The following TRAPPC9 variants were observed in gnomAD, a reference collection of about 807,000 sequenced individuals.
The protein encoded by TRAPPC9 is IKK2 binding protein.
Under a neutral mutation model 124.0 loss-of-function variants are expected in TRAPPC9, and 83 were observed. That is an observed-to-expected ratio of 0.67 (90% CI 0.56 to 0.80). The LOEUF is 0.80. Ranked by LOEUF, TRAPPC9 falls within the 30% of genes least tolerant of loss-of-function variation. TRAPPC9 has a pLI of 0.00. For synonymous variants in TRAPPC9, 638 were observed against 617.5 expected, an observed-to-expected ratio of 1.03 and a Z score of -0.49; for missense variants, 1,302 against 1,508.3, an observed-to-expected ratio of 0.86 and a Z score of 2.27.
At chr8:139,809,114 C>A (rs534568150) in intron 21 of TRAPPC9, among the ~76,000 whole-genome samples, 1 of 152,324 alleles carries the variant, frequency 6.6e-6, no homozygotes, top group Non-Finnish European at 1.5e-5. Context: ...TTTGATAACC[C>A]TTCTAAGGAC....
At chr8:140,062,859 C>T (rs1421208354) in intron 17 of TRAPPC9, among the ~76,000 whole-genome samples, 1 of 152,204 alleles carries the variant, frequency 6.6e-6, no homozygotes, top group Non-Finnish European at 1.5e-5. Flanking sequence ...GACTATCACA[C>T]ACTACTTCTC....
chr8:139,740,072 A>C (rs1327720449), intron 21 of TRAPPC9, among the ~76,000 whole-genome samples: 1 of 152,076 alleles, frequency 6.6e-6, no homozygotes, highest in Non-Finnish European at 1.5e-5. Flanking sequence ...CTGAATGAGG[A>C]CTCTAGGCCG....
intron 21 of TRAPPC9, among the ~76,000 whole-genome samples, chr8:139,750,853 T>A (rs955053770): frequency 6.6e-6 from 1 of 152,220 alleles, no homozygotes; most frequent in African/African-American, 2.4e-5. Context: ...ATTTGTTTCC[T>A]GGAGCAGCAG....
At chr8:140,286,933 G>C (rs996733619) in intron 13 of TRAPPC9, among the ~76,000 whole-genome samples, 4 of 152,092 alleles carry the variant, frequency 2.6e-5, no homozygotes, top group African/African-American at 7.2e-5. Flanking sequence ...AAGAAGTGGG[G>C]TGTGAGGAAG....
intron 15 of TRAPPC9, among the ~76,000 whole-genome samples, chr8:140,255,380 G>C (rs1409833824): frequency 3.9e-5 from 6 of 152,222 alleles, no homozygotes; most frequent in Non-Finnish European, 1.5e-5. Context: ...ATACATGTTT[G>C]ATAAATATTA....
chr8:139,771,654 C>A (rs1820970246), intron 21 of TRAPPC9, among the ~76,000 whole-genome samples: 1 of 152,220 alleles, frequency 6.6e-6, no homozygotes, highest in African/African-American at 2.4e-5. Flanking sequence ...TGGCAGCAGA[C>A]CCCACACGAG....
In TRAPPC9 at chr8:140,104,649, A is replaced by G. The variant is rs1483127136; in HGVS notation, c.2557-80570T>C. Among the ~76,000 whole-genome samples, 1 of 152,152 alleles carries G rather than the reference A, an allele frequency of 6.6e-6. No homozygotes were observed. The highest frequency in any genetic ancestry group is 1.5e-5 in the Non-Finnish European group (1 of 68,032). On this transcript the variant is annotated intron_variant, in intron 17 of 22. Coordinates refer to ENST00000438773, the MANE Select transcript of TRAPPC9 (RefSeq NM_001160372.4). The surrounding 1 kb of genome is among the most constrained non-coding windows in gnomAD (Gnocchi z 4.0). ...ACGCAGGCGGCAGGAATGCTGCGTC[A>G]CACACAGGTGCTGTAAAAAGCTACG... is the stretch of plus-strand genomic sequence containing the variant.
chr8:139,910,675 C>T (rs1183772354), intron 19 of TRAPPC9, among the ~76,000 whole-genome samples: 1 of 152,162 alleles, frequency 6.6e-6, no homozygotes, highest in African/African-American at 2.4e-5. Flanking sequence ...ATTATTTAAC[C>T]CTGGGGATCC....
chr8:140,343,157 C>T (rs1588180969), intron 9 of TRAPPC9, among the ~76,000 whole-genome samples: 2 of 152,166 alleles, frequency 1.3e-5, no homozygotes, highest in South Asian at 4.2e-4. Flanking sequence ...ACCAGAAAAG[C>T]ACATCACAAT....
At chr8:139,838,368 G>A (rs796168640) in intron 21 of TRAPPC9, among the ~76,000 whole-genome samples, 25 of 152,298 alleles carry the variant, frequency 1.6e-4, no homozygotes, top group African/African-American at 5.5e-4. Context: ...GGGGGCACAG[G>A]AGTCACATCT....
intron 2 of TRAPPC9, among the ~76,000 whole-genome samples, chr8:140,440,229 A>G (rs1359352847): frequency 6.6e-6 from 1 of 152,156 alleles, no homozygotes; most frequent in African/African-American, 2.4e-5. Context: ...AGCATCTAGC[A>G]GGGTGCAGTG....
intron 17 of TRAPPC9, among the ~76,000 whole-genome samples, chr8:140,177,344 A>C (rs1348328658): frequency 6.6e-6 from 1 of 152,120 alleles, no homozygotes; most frequent in African/African-American, 2.4e-5. Context: ...GTCGGAGTTA[A>C]TTTTTGGCAT....
intron 17 of TRAPPC9, among the ~76,000 whole-genome samples, chr8:140,042,398 A>C (rs1841332286): frequency 6.6e-6 from 1 of 152,256 alleles, no homozygotes; most frequent in Non-Finnish European, 1.5e-5. Flanking sequence ...ACAATCATTC[A>C]AAATGTGTAA....
intron 21 of TRAPPC9, among the ~76,000 whole-genome samples, chr8:139,743,579 A>C (rs980679894): frequency 6.6e-6 from 1 of 152,194 alleles, no homozygotes; most frequent in Non-Finnish European, 1.5e-5. Flanking sequence ...GCCAAATTTG[A>C]TTCAGGTAAG....
At chr8:139,951,559 T>C (rs951000841) in intron 19 of TRAPPC9, among the ~76,000 whole-genome samples, 26 of 152,238 alleles carry the variant, frequency 1.7e-4, no homozygotes, top group African/African-American at 6.0e-4. Context: ...AGGCACTACA[T>C]GTCTGTTGCT....
chr8:140,367,044 A>T (rs1177403431), intron 8 of TRAPPC9, among the ~76,000 whole-genome samples: 1 of 152,198 alleles, frequency 6.6e-6, no homozygotes. Flanking sequence ...ACCTATTAGA[A>T]TGGCCAAAAT....
At chr8:140,214,412 T>C (rs2063142015) in intron 17 of TRAPPC9, among the ~76,000 whole-genome samples, 1 of 152,200 alleles carries the variant, frequency 6.6e-6, no homozygotes, top group Non-Finnish European at 1.5e-5. Flanking sequence ...CTTACACCCC[T>C]GCCTAGTCCA....
intron 15 of TRAPPC9, among the ~76,000 whole-genome samples, chr8:140,265,971 C>T (rs1026672419): frequency 1.1e-4 from 17 of 152,204 alleles, no homozygotes; most frequent in Non-Finnish European, 1.8e-4. Flanking sequence ...AGAAATTAAG[C>T]GGTGTGAACG....
intron 17 of TRAPPC9, among the ~76,000 whole-genome samples, chr8:140,220,309 A>G (rs1191111244): frequency 6.6e-6 from 1 of 152,186 alleles, no homozygotes; most frequent in African/African-American, 2.4e-5. Context: ...ACCCTCCCGT[A>G]CTTGGTAGCT....
Sources: allele counts gnomAD v4.1 joint callset (sites outside exome capture counted in the v4.1 genomes callset), GRCh38; gene constraint gnomAD v4.1.1; non-coding constraint Gnocchi (gnomAD v3.1); transcripts MANE v1.5; gene names NCBI Gene and HGNC (gene_info 2026-07-23, HGNC 2026-07-21).